EPN2: variants seen among roughly 807,000 people sequenced by gnomAD.
The protein encoded by EPN2 is epsin 2.
A neutral mutation model predicts 61.7 loss-of-function variants in EPN2; 34 were observed. The ratio of observed to expected loss-of-function variants is 0.55; its 90% CI spans 0.42 to 0.73. The LOEUF (loss-of-function observed/expected upper bound fraction) is 0.73, where lower values mean the gene tolerates loss of function less well. Ranked by LOEUF, EPN2 falls within the 30% of genes least tolerant of loss-of-function variation. The pLI, the probability that EPN2 is intolerant of heterozygous loss-of-function variation, is 0.00. For missense variants in EPN2, 714 were observed against 839.2 expected, an observed-to-expected ratio of 0.85 and a Z score of 1.84; for synonymous variants, 349 against 353.6, an observed-to-expected ratio of 0.99 and a Z score of 0.15.
At chr17:19,275,813 G>A (rs927236694) in intron 1 of EPN2, among the ~76,000 whole-genome samples, 23 of 152,196 alleles carry the variant, frequency 1.5e-4, no homozygotes, top group African/African-American at 4.8e-4. Context: ...TAGTTCTGGG[G>A]ACTAACTGTA....
intron 1 of EPN2, among the ~76,000 whole-genome samples, chr17:19,248,764 T>C (rs1398966189): frequency 2.1e-4 from 32 of 152,230 alleles, no homozygotes; most frequent in Admixed American, 1.2e-3. Context: ...AAATAGTTTT[T>C]GGTCTGCAGA....
In EPN2 at chr17:19,281,971, G is replaced by C. The variant is rs542075072; in HGVS notation, c.-277G>C. 2 of 152,112 alleles carry C rather than the reference G, an allele frequency of 1.3e-5. No homozygotes were observed. The highest frequency in any genetic ancestry group is 4.8e-5 in the African/African-American group (2 of 41,416). The allele number at this position is 152,112 out of a possible 1,614,324, so 9.4% of individuals were successfully genotyped here. A position where few individuals can be genotyped will look rare whatever the true frequency, so the allele number is the denominator to read the frequency against. ...ATTTAACAGTGTTCATTTCTGTGTCGGGCACAGTGCTAAGTGCTGGGTGCT... is the reference window on the plus strand; with the variant it reads ...ATTTAACAGTGTTCATTTCTGTGTCCGGCACAGTGCTAAGTGCTGGGTGCT... On this transcript the variant is annotated 5_prime_UTR_variant, in exon 2 of 11. Transcript: ENST00000314728.
At chr17:19,244,985 CACA>C (rs2044928744) in intron 1 of EPN2, among the ~76,000 whole-genome samples, 1 of 152,192 alleles carries the variant, frequency 6.6e-6, no homozygotes, top group Admixed American at 6.5e-5. Context: ...ACTGTACCCT[CACA>C]ACAACCCCAA....
intron 1 of EPN2, among the ~76,000 whole-genome samples, chr17:19,247,359 G>A (rs145526854): frequency 8.5e-4 from 129 of 152,306 alleles, no homozygotes; most frequent in African/African-American, 3.0e-3. Flanking sequence ...TGAGACAGAA[G>A]CTAGCAGTTT....
intron 4 of EPN2, among the ~76,000 whole-genome samples, chr17:19,298,482 C>T (rs1454217397): frequency 6.6e-6 from 1 of 152,184 alleles, no homozygotes; most frequent in Non-Finnish European, 1.5e-5. Flanking sequence ...GAATTATAGG[C>T]GTGAGCCACG....
chr17:19,309,008 A>ATGTGTGCG (rs1351442848), intron 4 of EPN2, among the ~76,000 whole-genome samples: 1 of 151,760 alleles, frequency 6.6e-6, no homozygotes, highest in Non-Finnish European at 1.5e-5. Context: ...AAGTGTCTGC[A>ATGTGTGCG]TTTTTATCTG....
intron 1 of EPN2, among the ~76,000 whole-genome samples, chr17:19,266,434 G>A (rs1237929765): frequency 5.4e-5 from 8 of 148,178 alleles, no homozygotes; most frequent in Non-Finnish European, 1.5e-5. Context: ...ACGGAGTCTC[G>A]CTCTGTCGCC....
At chr17:19,245,788 G>C (rs1192573115) in intron 1 of EPN2, among the ~76,000 whole-genome samples, 2 of 151,704 alleles carry the variant, frequency 1.3e-5, no homozygotes, top group Admixed American at 1.3e-4. Context: ...TCAGCCTCCT[G>C]AGTAGCTGGG....
At chr17:19,272,976 C>A (rs1279336172) in intron 1 of EPN2, among the ~76,000 whole-genome samples, 1 of 152,208 alleles carries the variant, frequency 6.6e-6, no homozygotes, top group Non-Finnish European at 1.5e-5. Context: ...ACAGGCTGCT[C>A]CTCCCAGAGA....
chr17:19,319,987 G>A (rs1567867192), intron 7 of EPN2, among the ~76,000 whole-genome samples: 1 of 152,366 alleles, frequency 6.6e-6, no homozygotes, highest in East Asian at 1.9e-4. Flanking sequence ...GAGCCTGGGT[G>A]TGCAGCGGCT....
chr17:19,308,095 A>G, intron 4 of EPN2: 2 of 937,110 alleles, frequency 2.1e-6, no homozygotes, highest in Non-Finnish European at 2.5e-6. Context: ...ATTTTTTGAG[A>G]TGCAGTCTTG....
Position 19,285,276 on chromosome 17 carries a change from T to G in EPN2, c.596-344T>G, listed in dbSNP as rs2045393394. ...AAACAGCTTCATGTTCCATGAACAA[T>G]TTGTGGAACTTTGCAGATGCAGGGG... On this transcript the variant is annotated intron_variant, in intron 3 of 10. Coordinates refer to ENST00000314728, the MANE Select transcript of EPN2 (RefSeq NM_014964.5). The surrounding 1 kb of genome is among the most constrained non-coding windows in gnomAD (Gnocchi z 4.5). 6.6e-6 allele frequency among the ~76,000 whole-genome samples: 1 copy of G among 152,214 alleles called. No homozygotes were observed. Among genetic ancestry groups the G allele is most frequent in the South Asian group, 2.1e-4 (1 of 4,830 alleles).
intron 1 of EPN2, among the ~76,000 whole-genome samples, chr17:19,257,662 C>T (rs946346461): frequency 6.6e-6 from 1 of 151,920 alleles, no homozygotes; most frequent in Non-Finnish European, 1.5e-5. Context: ...GGACTACAGG[C>T]ATGTGCCACC....
intron 7 of EPN2, among the ~76,000 whole-genome samples, chr17:19,315,792 A>G (rs990540681): frequency 2.6e-5 from 4 of 152,118 alleles, no homozygotes; most frequent in Non-Finnish European, 4.4e-5. Context: ...GCCCATTTCA[A>G]CCATTTTAAA....
At chr17:19,269,968 G>T (rs1049312354) in intron 1 of EPN2, among the ~76,000 whole-genome samples, 10 of 152,200 alleles carry the variant, frequency 6.6e-5, no homozygotes, top group African/African-American at 1.7e-4. Context: ...TTACGATTTT[G>T]AGCACTGAAT....
At chr17:19,313,452 G>A (rs976262699) in intron 7 of EPN2, 173 bp downstream of exon 7, 5 of 485,488 alleles carry the variant, frequency 1.0e-5, no homozygotes, top group Non-Finnish European at 1.8e-5. Flanking sequence ...CCTTGAGGAT[G>A]GTGGCATGGT....
At chr17:19,313,684 T>TA in intron 7 of EPN2, 1 of 189,094 alleles carries the variant, frequency 5.3e-6, no homozygotes, top group East Asian at 1.3e-4. Context: ...ATGATGTGCT[T>TA]ACCACCACTG....
chr17:19,240,471 C>G (rs1029782577), intron 1 of EPN2, among the ~76,000 whole-genome samples: 18 of 152,152 alleles, frequency 1.2e-4, no homozygotes, highest in Non-Finnish European at 2.9e-5. Context: ...ATCTCGAACT[C>G]CTGACTTCAA....
chr17:19,252,330 C>T (rs967890665), intron 1 of EPN2, among the ~76,000 whole-genome samples: 1 of 151,978 alleles, frequency 6.6e-6, no homozygotes, highest in African/African-American at 2.4e-5. Flanking sequence ...TTAAGGGCAG[C>T]CTGTCATTTT....
Sources: allele counts gnomAD v4.1 joint callset (sites outside exome capture counted in the v4.1 genomes callset), GRCh38; gene constraint gnomAD v4.1.1; non-coding constraint Gnocchi (gnomAD v3.1); transcripts MANE v1.5; gene names NCBI Gene and HGNC (gene_info 2026-07-23, HGNC 2026-07-21).